CELF2: variants seen among roughly 807,000 people sequenced by gnomAD.
CELF2 encodes CUGBP Elav-like family member 2.
A neutral mutation model predicts 62.6 loss-of-function variants in CELF2; 8 were observed. That is an observed-to-expected ratio of 0.13 (90% confidence interval 0.07 to 0.23). CELF2 has a LOEUF of 0.23. Among genes scored for constraint, CELF2 ranks in the 10% least tolerant of loss-of-function variants. The probability of loss-of-function intolerance (pLI) is 1.00; values close to 1 mark genes in which losing one functional copy is unlikely to be tolerated. For synonymous variants in CELF2, 258 were observed against 250.0 expected, an observed-to-expected ratio of 1.03 and a Z score of -0.30; for missense variants, 333 against 671.0, an observed-to-expected ratio of 0.50 and a Z score of 5.56.
intron 1 of CELF2, among the ~76,000 whole-genome samples, chr10:11,009,654 G>A (rs1360374114): frequency 1.3e-5 from 2 of 152,162 alleles, no homozygotes; most frequent in African/African-American, 4.8e-5. Flanking sequence ...TTGAACTCCT[G>A]CTACTTCAGC....
intron 2 of CELF2, among the ~76,000 whole-genome samples, chr10:11,175,371 G>T (rs1037000028): frequency 6.6e-6 from 1 of 152,132 alleles, no homozygotes; most frequent in Non-Finnish European, 1.5e-5. Flanking sequence ...TAAAAGGAGG[G>T]ATTGTGTTCT....
chr10:11,050,696 G>A (rs548160856), intron 1 of CELF2, among the ~76,000 whole-genome samples: 8 of 152,168 alleles, frequency 5.3e-5, no homozygotes, highest in East Asian at 1.9e-4. Flanking sequence ...CCAGATGATC[G>A]TGCAGCCTCC....
the CELF2 span, among the ~76,000 whole-genome samples, chr10:10,561,052 T>G: frequency 6.6e-6 from 1 of 152,060 alleles, no homozygotes; most frequent in Non-Finnish European, 1.5e-5. Flanking sequence ...TAAAAGATAT[T>G]AAATATGGTA....
In CELF2 at chr10:11,334,098, CACTTTTT is replaced by C. The variant is rs2096076964; in HGVS notation, c.*5047_*5053del. ...GTCTTAAAATAACAGCGGTAAGTTT[CACTTTTT>C]ATTCTGTATTGTGCAGTTACACAAT... On this transcript the variant is annotated 3_prime_UTR_variant, in exon 13 of 13. Transcript: ENST00000633077. The C allele has an allele frequency of 6.6e-6, 1 of 152,540 alleles. No individual in the cohort carries two copies. The highest frequency in any genetic ancestry group is 2.4e-5 in the African/African-American group (1 of 41,424). 9.4% of individuals were successfully genotyped at this position (152,540 alleles called of 1,614,324 possible).
chr10:11,186,296 C>CTTTTTTTTT (rs57327671), intron 2 of CELF2, among the ~76,000 whole-genome samples: 3 of 115,510 alleles, frequency 2.6e-5, no homozygotes, highest in East Asian at 2.6e-4. Flanking sequence ...GGTTTTGTTG[C>CTTTTTTTTT]TTTTTTTTTT....
the CELF2 span, among the ~76,000 whole-genome samples, chr10:10,699,882 G>A: frequency 1.2e-4 from 18 of 152,284 alleles, no homozygotes; most frequent in African/African-American, 2.4e-4. Context: ...CAGCATCGCC[G>A]TAGTTTCCAG....
intron 2 of CELF2, among the ~76,000 whole-genome samples, chr10:10,933,565 C>A (rs981319914): frequency 6.6e-6 from 1 of 152,086 alleles, no homozygotes; most frequent in Non-Finnish European, 1.5e-5. Context: ...TAACTTTATA[C>A]CCATTGACCT....
chr10:10,542,623 C>A, the CELF2 span, among the ~76,000 whole-genome samples: 1 of 152,150 alleles, frequency 6.6e-6, no homozygotes, highest in Non-Finnish European at 1.5e-5. Context: ...GGGGTAATTC[C>A]TGGATGATTA....
intron 1 of CELF2, among the ~76,000 whole-genome samples, chr10:11,059,052 G>T (rs2140370801): frequency 6.6e-6 from 1 of 152,334 alleles, no homozygotes; most frequent in African/African-American, 2.4e-5. Context: ...CAAAGTGCCA[G>T]GGTTGCAGCC....
rs2062707899 is a variant in CELF2 at position 11,214,282 on chromosome 10, A to G, written c.272-3143A>G. Among the ~76,000 whole-genome samples, 1 of 152,218 alleles carries G rather than the reference A, an allele frequency of 6.6e-6. No individual in the cohort carries two copies. Among genetic ancestry groups the G allele is most frequent in the South Asian group, 2.1e-4 (1 of 4,830 alleles). On this transcript the variant is annotated intron_variant, in intron 2 of 12. Transcript: ENST00000633077. This position sits in a 1 kb window ranked among gnomAD's most constrained non-coding sequence, Gnocchi z 4.2. ...GGACAACAGAGTGACATCCTGTCTC[A>G]AAAATAAATAAATTTTTTAATGATG...
chr10:11,205,132 C>T (rs2060142488), intron 2 of CELF2, among the ~76,000 whole-genome samples: 1 of 152,140 alleles, frequency 6.6e-6, no homozygotes, highest in African/African-American at 2.4e-5. Flanking sequence ...AAAGGCCATG[C>T]GAATGGGTGA....
intron 1 of CELF2, among the ~76,000 whole-genome samples, chr10:10,881,110 C>T (rs548749867): frequency 2.6e-5 from 4 of 152,322 alleles, no homozygotes; most frequent in African/African-American, 9.6e-5. Context: ...ACGACTGTTA[C>T]TAGGACGTGA....
intron 1 of CELF2, among the ~76,000 whole-genome samples, chr10:10,838,648 GTTCTGTCC>G (rs1292278352): frequency 6.6e-6 from 1 of 151,972 alleles, no homozygotes; most frequent in Non-Finnish European, 1.5e-5. Context: ...TGCTTGAATT[GTTCTGTCC>G]TTGGCCATGG....
intron 1 of CELF2, among the ~76,000 whole-genome samples, chr10:11,161,955 G>A (rs971954890): frequency 1.3e-5 from 2 of 152,226 alleles, no homozygotes; most frequent in African/African-American, 4.8e-5. Flanking sequence ...GCCCCATGAG[G>A]ATGAAAGAAT....
intron 1 of CELF2, among the ~76,000 whole-genome samples, chr10:11,112,171 C>T (rs1477907673): frequency 6.6e-6 from 1 of 152,224 alleles, no homozygotes; most frequent in Admixed American, 6.5e-5. Flanking sequence ...CTTGCATGTG[C>T]CACATTTTAC....
At chr10:11,201,830 T>C (rs926415664) in intron 2 of CELF2, among the ~76,000 whole-genome samples, 1 of 152,262 alleles carries the variant, frequency 6.6e-6, no homozygotes, top group Non-Finnish European at 1.5e-5. Context: ...CAGGCAATTA[T>C]CATCTTCAGG....
the CELF2 span, among the ~76,000 whole-genome samples, chr10:10,728,449 T>C: frequency 9.9e-6 from 1 of 101,278 alleles, no homozygotes; most frequent in Non-Finnish European, 2.0e-5. Flanking sequence ...TGAGACTCTG[T>C]TTCAAAAAAA....
intron 1 of CELF2, among the ~76,000 whole-genome samples, chr10:11,074,100 G>GT (rs1241580426): frequency 6.6e-6 from 1 of 152,142 alleles, no homozygotes; most frequent in Non-Finnish European, 1.5e-5. Flanking sequence ...GTATATACGA[G>GT]TATGTGTGTG....
the CELF2 span, among the ~76,000 whole-genome samples, chr10:10,475,529 A>G: frequency 1.3e-5 from 2 of 152,162 alleles, no homozygotes; most frequent in East Asian, 1.9e-4. Flanking sequence ...TCAGGGTAGC[A>G]TCATTATTTG....
Sources: allele counts gnomAD v4.1 joint callset (sites outside exome capture counted in the v4.1 genomes callset), GRCh38; gene constraint gnomAD v4.1.1; non-coding constraint Gnocchi (gnomAD v3.1); transcripts MANE v1.5; gene names NCBI Gene and HGNC (gene_info 2026-07-23, HGNC 2026-07-21).